EDNRB: variants seen among roughly 807,000 people sequenced by gnomAD.
The protein encoded by EDNRB is endothelin receptor type B.
EDNRB carries 18 observed loss-of-function variants against 46.4 expected under a neutral mutation model. The observed-to-expected ratio is 0.39, with a 90% CI of 0.27 to 0.57. The LOEUF is 0.57. Ranked by LOEUF, EDNRB falls within the 20% of genes least tolerant of loss-of-function variation. The pLI, the probability that EDNRB is intolerant of heterozygous loss-of-function variation, is 0.61. For synonymous variants in EDNRB, 213 were observed against 204.9 expected, an observed-to-expected ratio of 1.04 and a Z score of -0.34; for missense variants, 434 against 537.5, an observed-to-expected ratio of 0.81 and a Z score of 1.90.
chr13:77,923,345 T>C (rs1395133475), upstream of EDNRB, among the ~76,000 whole-genome samples: 1 of 152,220 alleles, frequency 6.6e-6, no homozygotes, highest in Non-Finnish European at 1.5e-5. Context: ...GAGTGTAACC[T>C]GGTCTACAAA....
intron 6 of EDNRB, 92 bp from the exon 7 acceptor site, chr13:77,898,426 T>C: frequency 6.4e-7 from 1 of 1,571,760 alleles, no homozygotes; most frequent in Non-Finnish European, 8.6e-7. Context: ...CTTTGTATGA[T>C]TAGGAGTTCT....
intron 1 of EDNRB, among the ~76,000 whole-genome samples, chr13:77,974,298 C>T (rs1881820924): frequency 6.6e-6 from 1 of 152,086 alleles, no homozygotes. Context: ...GAGGTTTCCT[C>T]TAAAAGTTAT....
chr13:77,963,288 C>T (rs1881481571), intron 1 of EDNRB, among the ~76,000 whole-genome samples: 2 of 152,052 alleles, frequency 1.3e-5, no homozygotes, highest in Non-Finnish European at 2.9e-5. Context: ...TCATATGGAA[C>T]CAAAAAAGAG....
chr13:77,899,990 G>A, intron 5 of EDNRB, 23 bp from the exon 6 acceptor site: 1 of 1,592,518 alleles, frequency 6.3e-7, no homozygotes, highest in Middle Eastern at 1.7e-4. Flanking sequence ...AACCCAAAAT[G>A]TGTCTGAAAA....
chr13:77,900,259 AC>A (rs1478531409), intron 5 of EDNRB, among the ~76,000 whole-genome samples: 2 of 151,836 alleles, frequency 1.3e-5, no homozygotes, highest in Admixed American at 6.6e-5. Context: ...AATTTAGAAA[AC>A]GCGTTGGAGA....
chr13:77,971,757 T>A (rs1007772214), intron 1 of EDNRB, among the ~76,000 whole-genome samples: 3 of 152,234 alleles, frequency 2.0e-5, no homozygotes, highest in Non-Finnish European at 4.4e-5. Flanking sequence ...GGACTCCAAT[T>A]GCATCTAAAT....
intron 1 of EDNRB, among the ~76,000 whole-genome samples, chr13:77,927,880 C>T (rs551528449): frequency 6.6e-6 from 1 of 152,110 alleles, no homozygotes; most frequent in Non-Finnish European, 1.5e-5. Flanking sequence ...GTAATTGAAT[C>T]ATGGGGGTGA....
intron 1 of EDNRB, among the ~76,000 whole-genome samples, chr13:77,961,888 C>G (rs1172324023): frequency 6.6e-6 from 1 of 151,898 alleles, no homozygotes; most frequent in Non-Finnish European, 1.5e-5. Context: ...GCTATCAAGA[C>G]TAATAAAGAA....
intron 1 of EDNRB, among the ~76,000 whole-genome samples, chr13:77,948,301 G>A (rs1384296748): frequency 6.6e-6 from 1 of 152,152 alleles, no homozygotes; most frequent in East Asian, 1.9e-4. Flanking sequence ...ACGTGCATGA[G>A]TTTGATAGTA....
At chr13:77,972,857 C>T (rs987537298) in intron 1 of EDNRB, among the ~76,000 whole-genome samples, 14 of 152,160 alleles carry the variant, frequency 9.2e-5, no homozygotes, top group Admixed American at 1.3e-4. Flanking sequence ...CTATGGCCCA[C>T]GACTCTGGAG....
At chr13:77,931,677 T>C (rs1280286350) in intron 1 of EDNRB, among the ~76,000 whole-genome samples, 1 of 149,698 alleles carries the variant, frequency 6.7e-6, no homozygotes, top group Non-Finnish European at 1.5e-5. Context: ...TTTGAGTTCC[T>C]TCTTCCAGCC....
intron 1 of EDNRB, among the ~76,000 whole-genome samples, chr13:77,964,178 G>A (rs955567495): frequency 6.6e-6 from 1 of 152,214 alleles, no homozygotes; most frequent in African/African-American, 2.4e-5. Flanking sequence ...TGGTGGGGCT[G>A]TAAACTAGTT....
chr13:77,960,801 G>A (rs568045948), intron 1 of EDNRB, among the ~76,000 whole-genome samples: 29 of 150,342 alleles, frequency 1.9e-4, no homozygotes, highest in Non-Finnish European at 3.4e-4. Flanking sequence ...CCCATCTCAC[G>A]TGCAGAGACA....
At chr13:77,898,969 C>T (rs1402842123) in intron 6 of EDNRB, among the ~76,000 whole-genome samples, 1 of 151,860 alleles carries the variant, frequency 6.6e-6, no homozygotes, top group East Asian at 1.9e-4. Flanking sequence ...TTATATAGTA[C>T]AAAAGCATCT....
intron 4 of EDNRB, 126 bp from the exon 5 acceptor site, chr13:77,900,780 G>A (rs1878927888): frequency 5.8e-6 from 8 of 1,386,346 alleles, no homozygotes; most frequent in Non-Finnish European, 8.0e-6. Context: ...TCAGGACACT[G>A]AGCTTTATAT....
intron 3 of EDNRB, among the ~76,000 whole-genome samples, chr13:77,902,492 C>T (rs1049019878): frequency 3.3e-5 from 5 of 151,862 alleles, no homozygotes; most frequent in African/African-American, 1.2e-4. Context: ...TGTCCTTAGT[C>T]ATCCTTAGTC....
chr13:77,929,545 G>A (rs1005121553), intron 1 of EDNRB, among the ~76,000 whole-genome samples: 9 of 152,152 alleles, frequency 5.9e-5, no homozygotes, highest in African/African-American at 2.2e-4. Flanking sequence ...CTATGTTAGA[G>A]CAATGAAATA....
chr13:77,957,973 C>A (rs1232750702), intron 1 of EDNRB, among the ~76,000 whole-genome samples: 18 of 152,152 alleles, frequency 1.2e-4, no homozygotes, highest in Admixed American at 1.2e-3. Context: ...GTGACAAATT[C>A]TTTTTAAAAT....
rs753779387 is a variant in EDNRB at position 77,898,365 on chromosome 13, T to C, written c.1195-31A>G. The stretch of plus-strand genomic sequence containing the variant: ...CAAAACAAAGTAACTCATTATATGT[T>C]AACATCAGTCACCTTTCCCAACTCT... On this transcript the variant is annotated intron_variant, in intron 6 of 6. Coordinates refer to ENST00000646607, the MANE Select transcript of EDNRB (RefSeq NM_001122659.3). 6.8e-6 allele frequency: 11 copies of C among 1,610,290 alleles called. No homozygotes were observed. In the Admixed American group the frequency reaches 1.8e-4, roughly 27 times the overall value.
Sources: allele counts gnomAD v4.1 joint callset (sites outside exome capture counted in the v4.1 genomes callset), GRCh38; gene constraint gnomAD v4.1.1; transcripts MANE v1.5; gene names NCBI Gene and HGNC (gene_info 2026-07-23, HGNC 2026-07-21).